Variants in CCDC61 observed in about 807,000 individuals in gnomAD.
CCDC61 encodes centrosomal protein CCDC61.
In CCDC61, 55 loss-of-function variants were observed where a neutral mutation model predicts 63.0. The observed-to-expected ratio is 0.87, with a 90% CI of 0.70 to 1.09. CCDC61 has a LOEUF of 1.09. Ranked by LOEUF, CCDC61 falls within the 50% of genes least tolerant of loss-of-function variation. The probability of loss-of-function intolerance (pLI) is 0.00; values close to 1 mark genes in which losing one functional copy is unlikely to be tolerated. For synonymous variants in CCDC61, 270 were observed against 317.0 expected (o/e 0.85, Z 1.58); for missense variants, 651 against 731.4 (o/e 0.89, Z 1.27).
At chr19:45,995,815 G>A (rs1447574811) in intron 1 of CCDC61, among the ~76,000 whole-genome samples, 1 of 152,086 alleles carries the variant, frequency 6.6e-6, no homozygotes, top group East Asian at 1.9e-4. Flanking sequence ...TTTAGTAGGA[G>A]GTTTTAAGGC....
intron 3 of CCDC61, among the ~76,000 whole-genome samples, chr19:46,004,835 CT>C (rs748867869): frequency 0.011 from 1,008 of 95,244 alleles, 5 homozygotes; most frequent in African/African-American, 0.033. Context: ...ATTTAGATAT[CT>C]TTTTTTTTTT....
chr19:46,018,486 C>G lies in CCDC61; in HGVS notation c.*99C>G. The stretch of plus-strand genomic sequence containing the variant: ...GCCTCCAGCCCTGCCCAGTCCCTGC[C>G]CTGGCCCCGTCCCTCCTGCTGCCCC... On this transcript the variant is annotated 3_prime_UTR_variant, in exon 14 of 14. Transcript: ENST00000595358. This position sits in a 1 kb window ranked among gnomAD's most constrained non-coding sequence, Gnocchi z 4.2. 1 of 929,784 alleles carries G rather than the reference C, an allele frequency of 1.1e-6. No homozygotes were observed. The highest frequency in any genetic ancestry group is 1.6e-5 in the South Asian group (1 of 62,126). 57.6% of individuals were successfully genotyped at this position (929,784 alleles called of 1,614,324 possible).
At chr19:46,012,704 G>A (rs1239639519) in intron 5 of CCDC61, among the ~76,000 whole-genome samples, 1 of 151,410 alleles carries the variant, frequency 6.6e-6, no homozygotes, top group African/African-American at 2.4e-5. Flanking sequence ...GCCTCCGTAT[G>A]TCTTTTTCCG....
intron 1 of CCDC61, among the ~76,000 whole-genome samples, chr19:46,001,350 C>T (rs1968588137): frequency 1.3e-5 from 2 of 152,248 alleles, no homozygotes; most frequent in South Asian, 4.1e-4. Context: ...TCTCAGCCTC[C>T]CGAGTAGCTG....
At chr19:46,012,874 C>CA (rs555461505) in intron 5 of CCDC61, among the ~76,000 whole-genome samples, 11 of 146,708 alleles carry the variant, frequency 7.5e-5, no homozygotes, top group Non-Finnish European at 1.7e-4. Context: ...TTTTAAGAGA[C>CA]AGAGTCTTGC....
At position 46,003,853 on chromosome 19, in the gene CCDC61, G is replaced by GTGTA. The variant is rs143193874; in HGVS notation, c.231+355_231+356insATGT. Among the ~76,000 whole-genome samples, 261 of 150,618 alleles carry GTGTA rather than the reference G, an allele frequency of 1.7e-3. 2 individuals are homozygous for GTGTA. Among genetic ancestry groups the GTGTA allele is most frequent in the Middle Eastern group, 6.9e-3 (2 of 290 alleles). Reference sequence around the variant, plus strand: ...TGTGTGTGTGTGTGTGTGTGTGTGTGTGTGTGTGTATGCATTTGCAGATCT... The same window carrying GTGTA: ...TGTGTGTGTGTGTGTGTGTGTGTGTGTGTATGTGTGTGTATGCATTTGCAGATCT... On this transcript the variant is annotated intron_variant, in intron 3 of 13. Coordinates refer to ENST00000595358, the MANE Select transcript of CCDC61 (RefSeq NM_001267723.2).
intron 1 of CCDC61, among the ~76,000 whole-genome samples, chr19:46,001,728 G>C (rs1162833236): frequency 6.6e-6 from 1 of 152,234 alleles, no homozygotes; most frequent in Non-Finnish European, 1.5e-5. Context: ...TTGGGCCTCT[G>C]AGAAAAGAGA....
chr19:46,003,624 G>A (rs936799075), intron 3 of CCDC61, 123 bp downstream of exon 3: 25 of 594,594 alleles, frequency 4.2e-5, no homozygotes, highest in Middle Eastern at 4.5e-4. Context: ...GGAAGAGGGC[G>A]ATCATTTTCT....
chr19:46,009,299 A>C (rs1968778037), intron 5 of CCDC61, among the ~76,000 whole-genome samples: 1 of 152,084 alleles, frequency 6.6e-6, no homozygotes, highest in Non-Finnish European at 1.5e-5. Flanking sequence ...TCTGTTGGGG[A>C]GACGAATCTG....
intron 5 of CCDC61, among the ~76,000 whole-genome samples, chr19:46,010,295 G>T (rs528753482): frequency 6.6e-6 from 1 of 152,214 alleles, no homozygotes; most frequent in East Asian, 1.9e-4. Flanking sequence ...AATGCAGGGC[G>T]CCCGGCCACG....
At chr19:46,004,748 A>G (rs762670765) in intron 3 of CCDC61, among the ~76,000 whole-genome samples, 7 of 150,944 alleles carry the variant, frequency 4.6e-5, no homozygotes. Context: ...TACAAGCGTG[A>G]GCCACCGTGC....
At chr19:46,011,508 T>C (rs891531720) in intron 5 of CCDC61, among the ~76,000 whole-genome samples, 3 of 152,150 alleles carry the variant, frequency 2.0e-5, no homozygotes, top group South Asian at 2.1e-4. Flanking sequence ...AAATGAAAAA[T>C]AGATTTTGCT....
chr19:45,999,341 A>G (rs915081381), intron 1 of CCDC61, among the ~76,000 whole-genome samples: 1 of 150,188 alleles, frequency 6.7e-6, no homozygotes, highest in African/African-American at 2.5e-5. Flanking sequence ...GGTTCTATCC[A>G]GCCTCAATTC....
At chr19:45,997,580 G>A (rs985119358) in intron 1 of CCDC61, among the ~76,000 whole-genome samples, 3 of 151,950 alleles carry the variant, frequency 2.0e-5, no homozygotes, top group African/African-American at 4.8e-5. Flanking sequence ...TAGTAGAGAC[G>A]GGGTTTTGCC....
At position 46,008,207 on chromosome 19, in the gene CCDC61, C is replaced by T. The variant is rs771021005; in HGVS notation, c.457C>T (p.Arg153Trp). The stretch of plus-strand genomic sequence containing the variant: ...CCCCGTGGTTCTGCAGGGCATCATC[C>T]GGTCACTGAAGGAGGAACTGGGCCG... ...PDPVVLQGIIRSLKEELGRLQ... is the reference protein window; with the variant it reads ...PDPVVLQGIIWSLKEELGRLQ... The change falls in exon 5 of 14, where the codon CGG becomes TGG. Residue 153 changes from arginine to tryptophan, a missense_variant. Arg to Trp is a moderately radical substitution (Grantham distance 101). Transcript: ENST00000595358. 90 of 1,611,524 alleles carry T rather than the reference C, an allele frequency of 5.6e-5. No individual in the cohort carries two copies. In the East Asian group the frequency reaches 1.1e-3, roughly 20 times the overall value.
In CCDC61 at chr19:46,006,565, GAGTC is replaced by G. The variant is rs755321966; in HGVS notation, c.244_247del (p.Val82ProfsTer5). ...TCCTCTCCTCTCCTGACAGAGTAGT[GAGTC>G]AGTCACCCTGGACCTGCTGACCTAC... On this transcript the variant is annotated frameshift_variant, in exon 4 of 14. Transcript: ENST00000595358. LOFTEE classifies it high-confidence loss of function. 2 of 1,574,478 alleles carry G rather than the reference GAGTC, an allele frequency of 1.3e-6. No homozygotes were observed. Among genetic ancestry groups the G allele is most frequent in the African/African-American group, 1.3e-5 (1 of 74,272 alleles).
At chr19:46,004,866 C>G (rs1188385476) in intron 3 of CCDC61, among the ~76,000 whole-genome samples, 7 of 87,744 alleles carry the variant, frequency 8.0e-5, no homozygotes, top group Non-Finnish European at 1.0e-4. Context: ...TTTTTTGAGA[C>G]AAGAGTTTTG....
At chr19:45,996,837 T>C (rs1253484603) in intron 1 of CCDC61, among the ~76,000 whole-genome samples, 4 of 152,218 alleles carry the variant, frequency 2.6e-5, no homozygotes, top group African/African-American at 7.2e-5. Flanking sequence ...GGCCTCAGTT[T>C]GTCTCCTGCT....
Position 46,008,261 on chromosome 19 carries a change from C to T in CCDC61, c.511C>T (p.Arg171Trp), listed in dbSNP as rs369997901. ...GCAAGGGCTGGATGGCCAGAACACT[C>T]GGGACACCCGGGAGAATGAGATCTG... ...RLQGLDGQNT[R>W]DTRENEIWHL... Residue 171 changes from arginine (R) to tryptophan (W), a missense_variant, in exon 5 of 14, where the codon CGG (arginine) becomes TGG (tryptophan). By Grantham distance (101) the Arg-to-Trp change is moderately radical. Coordinates refer to ENST00000595358, the MANE Select transcript of CCDC61 (RefSeq NM_001267723.2). The T allele has an allele frequency of 9.3e-5, 126 of 1,360,002 alleles. 1 individual carries two copies. The South Asian group carries it at 1.1e-3, about 11-fold the overall frequency. The allele number at this position is 1,360,002 out of a possible 1,614,324, so 84.2% of individuals were successfully genotyped here. A position where few individuals can be genotyped will look rare whatever the true frequency, so the allele number is the denominator to read the frequency against.
Sources: allele counts gnomAD v4.1 joint callset (sites outside exome capture counted in the v4.1 genomes callset), GRCh38; gene constraint gnomAD v4.1.1; non-coding constraint Gnocchi (gnomAD v3.1); transcripts MANE v1.5; gene names NCBI Gene and HGNC (gene_info 2026-07-23, HGNC 2026-07-21).